PLXDC2: variants seen among roughly 807,000 people sequenced by gnomAD.
PLXDC2 encodes plexin domain-containing protein 2.
Under a neutral mutation model 68.9 loss-of-function variants are expected in PLXDC2, and 40 were observed. That is an observed-to-expected ratio of 0.58 (90% confidence interval 0.45 to 0.76). The LOEUF (loss-of-function observed/expected upper bound fraction) is 0.76, where lower values mean the gene tolerates loss of function less well. Among genes scored for constraint, PLXDC2 ranks in the 30% least tolerant of loss-of-function variants. The pLI is 0.00. For missense variants in PLXDC2, 644 were observed against 661.9 expected, an observed-to-expected ratio of 0.97 and a Z score of 0.30; for synonymous variants, 243 against 234.2, an observed-to-expected ratio of 1.04 and a Z score of -0.34.
At position 19,973,357 on chromosome 10, in the gene PLXDC2, T is replaced by G. The variant is rs533397232; in HGVS notation, c.113-28418T>G. 2.1e-5 allele frequency among the ~76,000 whole-genome samples: 3 copies of G among 144,702 alleles called. No homozygotes were observed. In the East Asian group the frequency reaches 5.9e-4, roughly 28 times the overall value. The allele number at this position is 144,702 out of a possible 152,430, so 94.9% of individuals were successfully genotyped here. On this transcript the variant is annotated intron_variant, in intron 1 of 13. Coordinates refer to ENST00000377252, the MANE Select transcript of PLXDC2 (RefSeq NM_032812.9). ...ATATGTGTATATATGTATACTCACA[T>G]ATATATGTATACATATATATGTGAA...
chr10:19,872,731 G>A (rs1234465623), intron 1 of PLXDC2, among the ~76,000 whole-genome samples: 1 of 152,048 alleles, frequency 6.6e-6, no homozygotes, highest in Non-Finnish European at 1.5e-5. Flanking sequence ...TTGGGCTTGG[G>A]TCGGCATCCA....
At chr10:20,225,413 A>C (rs115002109) in intron 12 of PLXDC2, among the ~76,000 whole-genome samples, 4 of 134,278 alleles carry the variant, frequency 3.0e-5, no homozygotes, top group African/African-American at 1.1e-4. Flanking sequence ...TCATAGTCCT[A>C]TGAGCAAAGG....
intron 4 of PLXDC2, among the ~76,000 whole-genome samples, chr10:20,077,464 A>T (rs898790762): frequency 6.6e-6 from 1 of 152,198 alleles, no homozygotes; most frequent in East Asian, 1.9e-4. Context: ...AATAGATCTA[A>T]ATATTTTGTT....
At chr10:19,901,380 G>A (rs1467948831) in intron 1 of PLXDC2, among the ~76,000 whole-genome samples, 6 of 152,104 alleles carry the variant, frequency 3.9e-5, no homozygotes, top group Non-Finnish European at 7.4e-5. Flanking sequence ...TTGCAGGAGT[G>A]AGGTGGTATT....
intron 4 of PLXDC2, among the ~76,000 whole-genome samples, chr10:20,105,126 G>GTGCT (rs2131743007): frequency 6.6e-6 from 1 of 151,500 alleles, no homozygotes; most frequent in East Asian, 1.9e-4. Context: ...GGCTCTCTGA[G>GTGCT]TGCTTGACCT....
intron 1 of PLXDC2, among the ~76,000 whole-genome samples, chr10:19,933,961 T>C (rs929675461): frequency 1.3e-5 from 2 of 152,166 alleles, no homozygotes; most frequent in Non-Finnish European, 2.9e-5. Context: ...GAAATTACTT[T>C]GAGCAATCAT....
At chr10:20,176,894 A>T in intron 7 of PLXDC2, 105 bp from the exon 8 acceptor site, 2 of 752,214 alleles carry the variant, frequency 2.7e-6, no homozygotes, top group Non-Finnish European at 4.2e-6. Flanking sequence ...TAATTTTAAA[A>T]CCACATTGGG....
chr10:20,115,971 C>G (rs2461942), intron 4 of PLXDC2, among the ~76,000 whole-genome samples: 54,385 of 152,090 alleles, frequency 0.36, 11,253 homozygotes, highest in Non-Finnish European at 0.48. Flanking sequence ...CCTTTTTATT[C>G]TCTTCTTTAG....
At chr10:20,048,865 T>C (rs1835843354) in intron 3 of PLXDC2, among the ~76,000 whole-genome samples, 4 of 152,052 alleles carry the variant, frequency 2.6e-5, no homozygotes, top group Admixed American at 2.0e-4. Context: ...TCATGAAAAA[T>C]GATAATACTG....
chr10:20,162,880 A>G (rs1189036167), intron 6 of PLXDC2, among the ~76,000 whole-genome samples: 4 of 142,840 alleles, frequency 2.8e-5, no homozygotes, highest in East Asian at 2.1e-4. Flanking sequence ...CCTGGCCAAC[A>G]TGGTGAAACC....
In PLXDC2 at chr10:20,267,678, AAAG is replaced by A. The variant is rs895777676; in HGVS notation, c.1474-12018_1474-12016del. Among the ~76,000 whole-genome samples the A allele has an allele frequency of 1.9e-4, 29 of 152,226 alleles. 1 individual carries two copies. The highest frequency in any genetic ancestry group is 5.2e-4 in the Admixed American group (8 of 15,258). ...AGCTATTGTTAAGTTATCCAAATGA[AAAG>A]AAGAAGGGAAAAAGAACAAATGACC... On this transcript the variant is annotated intron_variant, in intron 13 of 13. Transcript: ENST00000377252.
At chr10:20,216,023 T>A (rs1835131716) in intron 10 of PLXDC2, among the ~76,000 whole-genome samples, 1 of 151,710 alleles carries the variant, frequency 6.6e-6, no homozygotes, top group Non-Finnish European at 1.5e-5. Flanking sequence ...CGGGTCTGTG[T>A]GATTATTCTC....
At chr10:20,151,922 T>G (rs761449888) in intron 6 of PLXDC2, among the ~76,000 whole-genome samples, 13 of 152,212 alleles carry the variant, frequency 8.5e-5, no homozygotes, top group Middle Eastern at 3.4e-3. Flanking sequence ...AAATTCTGAT[T>G]TACACAAAAC....
chr10:19,847,975 C>T (rs1467742625), intron 1 of PLXDC2, among the ~76,000 whole-genome samples: 1 of 152,042 alleles, frequency 6.6e-6, no homozygotes, highest in Non-Finnish European at 1.5e-5. Flanking sequence ...CAGTTAGATG[C>T]CAGTGTTAGA....
At chr10:20,135,449 A>C (rs1833921540) in intron 4 of PLXDC2, among the ~76,000 whole-genome samples, 1 of 152,212 alleles carries the variant, frequency 6.6e-6, no homozygotes. Context: ...TTAACTAAGA[A>C]CATGTTACAT....
intron 1 of PLXDC2, among the ~76,000 whole-genome samples, chr10:19,992,823 G>A (rs1170097073): frequency 6.6e-6 from 1 of 152,078 alleles, no homozygotes; most frequent in East Asian, 1.9e-4. Flanking sequence ...TTTCCTTGCT[G>A]AATTGTTTAC....
chr10:20,194,072 T>A (rs554762894), intron 9 of PLXDC2, among the ~76,000 whole-genome samples: 69 of 152,040 alleles, frequency 4.5e-4, no homozygotes, highest in African/African-American at 1.6e-3. Context: ...AAAGAGGGTA[T>A]AACAAGAATT....
chr10:20,115,100 A>G (rs1195650043), intron 4 of PLXDC2, among the ~76,000 whole-genome samples: 1 of 152,120 alleles, frequency 6.6e-6, no homozygotes, highest in Non-Finnish European at 1.5e-5. Flanking sequence ...GGGATTTGTC[A>G]TTTTTGTAGA....
At chr10:19,929,459 C>A (rs1833592172) in intron 1 of PLXDC2, among the ~76,000 whole-genome samples, 2 of 152,142 alleles carry the variant, frequency 1.3e-5, no homozygotes, top group African/African-American at 4.8e-5. Context: ...AAGAGAATCT[C>A]CATTTCTTTG....
Sources: allele counts gnomAD v4.1 joint callset (sites outside exome capture counted in the v4.1 genomes callset), GRCh38; gene constraint gnomAD v4.1.1; transcripts MANE v1.5; gene names NCBI Gene and HGNC (gene_info 2026-07-23, HGNC 2026-07-21).